Variants in CEP44 observed in about 807,000 individuals in gnomAD.
The protein encoded by CEP44 is centrosomal protein of 44 kDa.
In CEP44, 45 loss-of-function variants were observed where a neutral mutation model predicts 46.7. The ratio of observed to expected loss-of-function variants is 0.96; its 90% CI spans 0.76 to 1.24. CEP44 has a LOEUF of 1.24. Ranked by LOEUF, CEP44 falls within the 50% of genes most tolerant of loss-of-function variation. CEP44 has a pLI of 0.00. For missense variants in CEP44, 475 were observed against 459.7 expected (o/e 1.03, Z -0.30); for synonymous variants, 142 against 146.0 (o/e 0.97, Z 0.20).
Position 174,311,515 on chromosome 4 carries a change from C to T in CEP44, c.961+657C>T, listed in dbSNP as rs1323037149. 1.3e-5 allele frequency among the ~76,000 whole-genome samples: 2 copies of T among 152,012 alleles called. No individual in the cohort carries two copies. The highest frequency in any genetic ancestry group is 2.1e-4 in the South Asian group (1 of 4,828). ...ATGTTTTGTCCAATTGAGAATTCATCGTTAAGTTAAATTTTTAATATCTGT... is the reference window on the plus strand; with the variant it reads ...ATGTTTTGTCCAATTGAGAATTCATTGTTAAGTTAAATTTTTAATATCTGT... On this transcript the variant is annotated intron_variant, in intron 9 of 11. Coordinates refer to ENST00000503780, the MANE Select transcript of CEP44 (RefSeq NM_001040157.3). This position sits in a 1 kb window ranked among gnomAD's most constrained non-coding sequence, Gnocchi z 4.4.
intron 11 of CEP44, chr4:174,316,790 A>G: frequency 2.6e-6 from 1 of 388,438 alleles, no homozygotes; most frequent in South Asian, 4.9e-5. Context: ...AACTTGTTGG[A>G]ATTGTTAATG....
chr4:174,294,573 G>C (rs964697995), intron 1 of CEP44, among the ~76,000 whole-genome samples: 1 of 151,716 alleles, frequency 6.6e-6, no homozygotes, highest in African/African-American at 2.4e-5. Flanking sequence ...CCTCCCAGAC[G>C]GGGTGGTGGC....
intron 9 of CEP44, among the ~76,000 whole-genome samples, chr4:174,313,013 G>A (rs544303687): frequency 6.6e-6 from 1 of 152,222 alleles, no homozygotes; most frequent in East Asian, 1.9e-4. Context: ...TTTGGAGAGG[G>A]TTTGAGGAAG....
At chr4:174,324,085 C>T (rs1742500568), downstream of CEP44, among the ~76,000 whole-genome samples, 1 of 152,146 alleles carries the variant, frequency 6.6e-6, no homozygotes. Flanking sequence ...TGTCCTTCAG[C>T]AACCACTGAT....
At position 174,314,281 on chromosome 4, in the gene CEP44, A is replaced by G. The variant is rs933370475; in HGVS notation, c.962-1885A>G. On this transcript the variant is annotated intron_variant, in intron 9 of 11. Coordinates refer to ENST00000503780, the MANE Select transcript of CEP44 (RefSeq NM_001040157.3). This position sits in a 1 kb window ranked among gnomAD's most constrained non-coding sequence, Gnocchi z 4.1. Reference sequence around the variant, plus strand: ...CTTTCCAACCTGAACTCAGTTACCAATTCTTTTCTCAATCCCCTATAGCAC... The same window carrying G: ...CTTTCCAACCTGAACTCAGTTACCAGTTCTTTTCTCAATCCCCTATAGCAC... Among the ~76,000 whole-genome samples, 159 of 152,314 alleles carry G rather than the reference A, an allele frequency of 1.0e-3. No individual in the cohort carries two copies. The highest frequency in any genetic ancestry group is 3.6e-3 in the African/African-American group (151 of 41,578).
In CEP44 at chr4:174,297,095, T is replaced by G. The variant is rs1165054994; in HGVS notation, c.-147-871T>G. ...TTTCCCTATCCATTTACTTTTAATC[T>G]TATAAACAAAATGGATTTCTTATAG... On this transcript the variant is annotated intron_variant, in intron 1 of 11. Transcript: ENST00000503780. This position sits in a 1 kb window ranked among gnomAD's most constrained non-coding sequence, Gnocchi z 4.3. 2.0e-5 allele frequency among the ~76,000 whole-genome samples: 3 copies of G among 152,084 alleles called. No individual in the cohort carries two copies. In the East Asian group the frequency reaches 5.8e-4, roughly 29 times the overall value.
chr4:174,328,811 T>A (rs1157571479), intron 8 of CEP44, among the ~76,000 whole-genome samples: 1 of 152,226 alleles, frequency 6.6e-6, no homozygotes, highest in Non-Finnish European at 1.5e-5. Flanking sequence ...CAATTATGCT[T>A]AACTTTTCAA....
rs1377795655 is a variant in CEP44, at chr4:174,318,168, A to T, written c.*785A>T. ...AACCTCTGCCTACCGGGTTCAAGTG[A>T]TTCTTGTGCCTCAGCCTCCTGAGTA... On this transcript the variant is annotated 3_prime_UTR_variant, in exon 12 of 12. Coordinates refer to ENST00000503780, the MANE Select transcript of CEP44 (RefSeq NM_001040157.3). 3.4e-5 allele frequency: 24 copies of T among 714,378 alleles called. No individual in the cohort carries two copies. Among genetic ancestry groups the T allele is most frequent in the Non-Finnish European group, 4.1e-5 (24 of 582,344 alleles). 44.3% of individuals were successfully genotyped at this position (714,378 alleles called of 1,614,324 possible). A position where few individuals can be genotyped will look rare whatever the true frequency, so the allele number is the denominator to read the frequency against.
intron 1 of CEP44, among the ~76,000 whole-genome samples, chr4:174,295,146 C>T (rs1467823464): frequency 3.9e-5 from 6 of 151,964 alleles, no homozygotes; most frequent in Non-Finnish European, 8.8e-5. Context: ...ACCTCCCTCC[C>T]GGATGGGGTG....
chr4:174,322,600 G>T (rs1263199886), downstream of CEP44, among the ~76,000 whole-genome samples: 1 of 152,106 alleles, frequency 6.6e-6, no homozygotes, highest in East Asian at 1.9e-4. Flanking sequence ...AGTGTTATGT[G>T]AAAAGAGATC....
intron 1 of CEP44, among the ~76,000 whole-genome samples, chr4:174,291,295 T>G (rs1227289494): frequency 6.6e-6 from 1 of 152,090 alleles, no homozygotes; most frequent in Non-Finnish European, 1.5e-5. Flanking sequence ...TTTTGTTTAT[T>G]TACTATACTT....
At chr4:174,308,974 A>G (rs1740767431) in intron 7 of CEP44, 115 bp downstream of exon 7, 1 of 892,696 alleles carries the variant, frequency 1.1e-6, no homozygotes, top group African/African-American at 1.7e-5. Flanking sequence ...TAATCATGAC[A>G]TTTTATCTAT....
At chr4:174,302,782 TA>T (rs1216168353) in intron 4 of CEP44, among the ~76,000 whole-genome samples, 2 of 150,826 alleles carry the variant, frequency 1.3e-5, no homozygotes, top group South Asian at 2.1e-4. Context: ...AAATGTAGTC[TA>T]TTTTTTTTTT....
chr4:174,332,421 A>G (rs575187647), exon 9 of CEP44: 1 of 152,360 alleles, frequency 6.6e-6, no homozygotes, highest in East Asian at 1.9e-4. Context: ...TATTAACTGC[A>G]TCAACCACAT....
chr4:174,309,758 T>C lies in CEP44; in HGVS notation c.679-92T>C, dbSNP rs1471781655. On this transcript the variant is annotated intron_variant, in intron 7 of 11. Coordinates refer to ENST00000503780, the MANE Select transcript of CEP44 (RefSeq NM_001040157.3). The surrounding 1 kb of genome is among the most constrained non-coding windows in gnomAD (Gnocchi z 5.3). ...CTCAAGCAGGACGGTCTCTCCTAAC[T>C]GTTGAGATAACGCTGTGGAAGTGAG... 1 of 874,848 alleles carries C rather than the reference T, an allele frequency of 1.1e-6. No homozygotes were observed. Among genetic ancestry groups the C allele is most frequent in the Non-Finnish European group, 1.8e-6 (1 of 567,056 alleles). The allele number at this position is 874,848 out of a possible 1,614,324, so 54.2% of individuals were successfully genotyped here. A position where few individuals can be genotyped will look rare whatever the true frequency, so the allele number is the denominator to read the frequency against.
intron 6 of CEP44, among the ~76,000 whole-genome samples, chr4:174,305,914 A>T (rs935963961): frequency 1.3e-5 from 2 of 152,194 alleles, no homozygotes; most frequent in African/African-American, 2.4e-5. Flanking sequence ...AAAACATTAG[A>T]CTTATTTTTA....
rs1353970758 is a variant in CEP44, at chr4:174,317,529, T to C, written c.*146T>C. The C allele has an allele frequency of 8.3e-7, 1 of 1,201,058 alleles. No homozygotes were observed. The highest frequency in any genetic ancestry group is 4.1e-5 in the Admixed American group (1 of 24,276). The allele number at this position is 1,201,058 out of a possible 1,614,324, so 74.4% of individuals were successfully genotyped here. ...TTGGTATATGAATTTTTGCATTCATTATTGAATAACTCTTTTAATATTTTT... is the reference window on the plus strand; with the variant it reads ...TTGGTATATGAATTTTTGCATTCATCATTGAATAACTCTTTTAATATTTTT... On this transcript the variant is annotated 3_prime_UTR_variant, in exon 12 of 12. Coordinates refer to ENST00000503780, the MANE Select transcript of CEP44 (RefSeq NM_001040157.3).
chr4:174,291,662 T>C (rs1273076588), intron 1 of CEP44, among the ~76,000 whole-genome samples: 1 of 152,094 alleles, frequency 6.6e-6, no homozygotes, highest in Admixed American at 6.5e-5. Context: ...TAGTATCTTT[T>C]CAGTTAACTT....
intron 1 of CEP44, among the ~76,000 whole-genome samples, chr4:174,295,490 C>T (rs1302206583): frequency 3.3e-5 from 5 of 151,126 alleles, no homozygotes; most frequent in Admixed American, 1.3e-4. Flanking sequence ...CAGAGACGCT[C>T]CTCACTTTCC....
Sources: gnomAD v4.1 joint callset for allele counts (sites outside exome capture counted in the v4.1 genomes callset) on GRCh38, gnomAD v4.1.1 for gene constraint, Gnocchi (gnomAD v3.1) non-coding constraint, MANE v1.5 for transcripts, NCBI Gene and HGNC (gene_info 2026-07-23, HGNC 2026-07-21) for gene names.